The following CPS1 variants were observed in gnomAD, a reference collection of about 807,000 sequenced individuals.
CPS1 encodes carbamoyl-phosphate synthase [ammonia], mitochondrial.
Under a neutral mutation model 174.6 loss-of-function variants are expected in CPS1, and 109 were observed. The observed-to-expected ratio is 0.62, with a 90% CI of 0.53 to 0.73. CPS1 has a LOEUF of 0.73. Among genes scored for constraint, CPS1 ranks in the 30% least tolerant of loss-of-function variants. The pLI is 0.00. For synonymous variants in CPS1, 637 were observed against 632.0 expected (o/e 1.01, Z -0.12); for missense variants, 1,689 against 1,821.9 (o/e 0.93, Z 1.33).
At chr2:210,630,095 A>AAC (rs1699822218) in intron 21 of CPS1, among the ~76,000 whole-genome samples, 1 of 150,950 alleles carries the variant, frequency 6.6e-6, no homozygotes, top group African/African-American at 2.4e-5. Context: ...AACAAAACAA[A>AAC]AAAAAAAAAC....
intron 1 of CPS1, among the ~76,000 whole-genome samples, chr2:210,541,253 T>C (rs1305148068): frequency 1.3e-5 from 2 of 152,182 alleles, no homozygotes; most frequent in Non-Finnish European, 2.9e-5. Flanking sequence ...AGCTGAGTTG[T>C]GATATTTAAA....
chr2:210,511,103 T>A (rs1234662071), intron 1 of CPS1, among the ~76,000 whole-genome samples: 1 of 152,152 alleles, frequency 6.6e-6, no homozygotes. Flanking sequence ...GTGGCACTAT[T>A]CACAATAGCA....
At chr2:210,671,393 T>C (rs1211029261) in intron 34 of CPS1, among the ~76,000 whole-genome samples, 1 of 152,226 alleles carries the variant, frequency 6.6e-6, no homozygotes, top group Non-Finnish European at 1.5e-5. Context: ...AGGCATCACA[T>C]AGTATTAACT....
At chr2:210,480,357 C>G (rs1283088916) in intron 1 of CPS1, among the ~76,000 whole-genome samples, 1 of 152,176 alleles carries the variant, frequency 6.6e-6, no homozygotes, top group Non-Finnish European at 1.5e-5. Context: ...TGCTGAACAG[C>G]TATGTGTTCA....
intron 27 of CPS1, among the ~76,000 whole-genome samples, chr2:210,649,279 AC>A (rs1700489744): frequency 1.3e-5 from 2 of 152,212 alleles, no homozygotes; most frequent in Admixed American, 6.5e-5. Context: ...TAATAATACT[AC>A]CTGTTTGAGG....
Position 210,616,485 on chromosome 2 carries a change from T to G in CPS1, c.2631T>G (p.Phe877Leu), listed in dbSNP as rs1013593314. The change falls in exon 21 of 38, where the codon TTT becomes TTG. Residue 877 changes from phenylalanine (F) to leucine (L), a missense_variant. By Grantham distance (22) the Phe-to-Leu change is conservative. Transcript: ENST00000233072. ...IEKLTYIDKW[F>L]LYKMRDILNM... ...AGCTCACATACATTGACAAGTGGTT[T>G]TTGTATAAGATGCGTGATATTTTAA... The G allele has an allele frequency of 6.2e-7, 1 of 1,612,412 alleles. No individual in the cohort carries two copies. The highest frequency in any genetic ancestry group is 1.7e-5 in the Admixed American group (1 of 59,854).
At chr2:210,642,394 CTGGACTGACTGGTGATACATT>C in intron 24 of CPS1, 69 bp from the exon 25 acceptor site, 1 of 1,466,910 alleles carries the variant, frequency 6.8e-7, no homozygotes, top group Non-Finnish European at 9.5e-7. Context: ...CTTCCTTAGC[CTGGACTGACTGGTGATACATT>C]TCTGCTTCTC....
At chr2:210,671,477 C>T (rs1350296565) in intron 34 of CPS1, 3 of 152,124 alleles carry the variant, frequency 2.0e-5, no homozygotes, top group Non-Finnish European at 4.4e-5. Flanking sequence ...ATATTTTTCA[C>T]TTTTAAAGGA....
rs1191021843 is a variant in CPS1, at chr2:210,486,808, C to T, written c.3+9042C>T. On this transcript the variant is annotated intron_variant, in intron 1 of 38. Transcript: ENST00000430249. ...TATAAGTGTGAGCCACTGCGCCCAGCTAGCTCTTTTCAAATGCATTGTAGG... is the reference window on the plus strand; with the variant it reads ...TATAAGTGTGAGCCACTGCGCCCAGTTAGCTCTTTTCAAATGCATTGTAGG... Among the ~76,000 whole-genome samples, 4 of 152,310 alleles carry T rather than the reference C, an allele frequency of 2.6e-5. No homozygotes were observed. The East Asian group carries it at 7.7e-4, about 29-fold the overall frequency.
At chr2:210,569,508 C>T (rs1363737067) in intron 1 of CPS1, among the ~76,000 whole-genome samples, 1 of 151,830 alleles carries the variant, frequency 6.6e-6, no homozygotes, top group African/African-American at 2.4e-5. Context: ...TTTGTATTTC[C>T]ACGTATTTCA....
intron 6 of CPS1, among the ~76,000 whole-genome samples, chr2:210,585,653 A>G (rs534684219): frequency 7.2e-5 from 11 of 151,988 alleles, no homozygotes; most frequent in Admixed American, 3.9e-4. Flanking sequence ...GCCTTTCAAC[A>G]TAGTAGAAAT....
intron 1 of CPS1, among the ~76,000 whole-genome samples, chr2:210,521,567 G>A (rs1695827466): frequency 6.6e-6 from 1 of 151,878 alleles, no homozygotes; most frequent in African/African-American, 2.4e-5. Context: ...ATTGCTATGT[G>A]TTTGAGTTCA....
chr2:210,543,733 G>A (rs1282006933), intron 1 of CPS1, among the ~76,000 whole-genome samples: 2 of 151,920 alleles, frequency 1.3e-5, no homozygotes, highest in African/African-American at 2.4e-5. Flanking sequence ...TCTCCCATGA[G>A]GTATCATGAG....
chr2:210,610,939 A>C (rs909478288), intron 19 of CPS1, among the ~76,000 whole-genome samples: 7 of 151,882 alleles, frequency 4.6e-5, no homozygotes. Context: ...ATTTCAGATA[A>C]ATTTTAAATA....
chr2:210,507,582 C>A (rs369161303), intron 1 of CPS1, among the ~76,000 whole-genome samples: 19 of 151,380 alleles, frequency 1.3e-4, no homozygotes, highest in Non-Finnish European at 2.1e-4. Flanking sequence ...CACAGACTGG[C>A]AAATTGGATA....
chr2:210,577,086 A>G (rs944371105), intron 3 of CPS1: 1 of 316,758 alleles, frequency 3.2e-6, no homozygotes, highest in East Asian at 7.6e-5. Flanking sequence ...CTCTGCTTTA[A>G]GTATAAATTA....
At chr2:210,575,496 TACACACACGATATGTATATGCAC>T (rs2106077531) in intron 2 of CPS1, among the ~76,000 whole-genome samples, 1 of 142,960 alleles carries the variant, frequency 7.0e-6, no homozygotes, top group Non-Finnish European at 1.5e-5. Context: ...TGTGTGTATA[TACACACACGATATGTATATGCAC>T]ACACACACAC....
At chr2:210,515,794 C>T (rs958093503) in intron 1 of CPS1, among the ~76,000 whole-genome samples, 4 of 151,534 alleles carry the variant, frequency 2.6e-5, no homozygotes, top group African/African-American at 9.7e-5. Context: ...GATGTTAGAT[C>T]GTTAATTTGA....
intron 1 of CPS1, among the ~76,000 whole-genome samples, chr2:210,517,640 G>A (rs1228348450): frequency 6.6e-6 from 1 of 151,938 alleles, no homozygotes; most frequent in African/African-American, 2.4e-5. Flanking sequence ...AATGATAGCA[G>A]TTATTCCATT....
Sources: allele counts gnomAD v4.1 joint callset (sites outside exome capture counted in the v4.1 genomes callset), GRCh38; gene constraint gnomAD v4.1.1; transcripts MANE v1.5; gene names NCBI Gene and HGNC (gene_info 2026-07-23, HGNC 2026-07-21).